The following ANO4 variants were observed in gnomAD, a reference collection of about 807,000 sequenced individuals.
ANO4 encodes anoctamin-4.
Under a neutral mutation model 141.9 loss-of-function variants are expected in ANO4, and 69 were observed. That is an observed-to-expected ratio of 0.49 (90% CI 0.40 to 0.59). ANO4 has a LOEUF of 0.59. Among genes scored for constraint, ANO4 ranks in the 20% least tolerant of loss-of-function variants. The pLI, the probability that ANO4 is intolerant of heterozygous loss-of-function variation, is 0.00. For missense variants in ANO4, 894 were observed against 1,162.2 expected (o/e 0.77, Z 3.36); for synonymous variants, 350 against 394.3 (o/e 0.89, Z 1.33).
chr12:100,723,632 T>C (rs967223706), intron 1 of ANO4, among the ~76,000 whole-genome samples: 2 of 152,244 alleles, frequency 1.3e-5, no homozygotes, highest in Admixed American at 1.3e-4. Flanking sequence ...TTGATATTTC[T>C]GAGGAACACA....
At chr12:101,030,800 C>T (rs981979883) in intron 9 of ANO4, among the ~76,000 whole-genome samples, 1 of 151,792 alleles carries the variant, frequency 6.6e-6, no homozygotes, top group Non-Finnish European at 1.5e-5. Flanking sequence ...ATACAAACTA[C>T]TAACACCTCT....
chr12:100,981,880 T>TGGGTAAGATTA (rs2044479703), intron 7 of ANO4, among the ~76,000 whole-genome samples: 1 of 152,156 alleles, frequency 6.6e-6, no homozygotes. Flanking sequence ...TCTCCTAAGT[T>TGGGTAAGATTA]GGGTAAGATT....
chr12:100,915,686 G>C (rs2041305804), intron 2 of ANO4, among the ~76,000 whole-genome samples: 1 of 152,134 alleles, frequency 6.6e-6, no homozygotes, highest in Admixed American at 6.5e-5. Context: ...AAAATTTGTA[G>C]TGAAGCACCT....
chr12:100,803,198 C>G (rs529474126), intron 1 of ANO4, among the ~76,000 whole-genome samples: 2 of 152,256 alleles, frequency 1.3e-5, no homozygotes, highest in East Asian at 3.9e-4. Context: ...AGGATGGGAG[C>G]TTGGAGTATA....
At chr12:100,994,056 C>T (rs2045261804) in intron 8 of ANO4, among the ~76,000 whole-genome samples, 1 of 152,120 alleles carries the variant, frequency 6.6e-6, no homozygotes, top group African/African-American at 2.4e-5. Flanking sequence ...CCACTAGATG[C>T]TAGTAGCATT....
chr12:101,126,844 T>G (rs374354508), intron 26 of ANO4, 35 bp from the exon 27 acceptor site: 2 of 1,581,706 alleles, frequency 1.3e-6, no homozygotes, highest in Non-Finnish European at 1.7e-6. Flanking sequence ...GGATGCACAG[T>G]AGACCTGACG....
At position 101,083,831 on chromosome 12, in the gene ANO4, TAAA is replaced by T; in HGVS notation, c.1536+18_1536+20del. ...AATATTTTTTATGGTTTGAAACTTT[TAAA>T]AAAATATTTGTTTCATAAAATACAA... is the stretch of plus-strand genomic sequence containing the variant. On this transcript the variant is annotated intron_variant, in intron 16 of 27. Transcript: ENST00000392977. 6.5e-7 allele frequency: 1 copy of T among 1,542,010 alleles called. No homozygotes were observed. The highest frequency in any genetic ancestry group is 8.7e-7 in the Non-Finnish European group (1 of 1,151,272).
At chr12:100,959,577 A>T (rs1296006560) in intron 5 of ANO4, among the ~76,000 whole-genome samples, 2 of 152,178 alleles carry the variant, frequency 1.3e-5, no homozygotes, top group African/African-American at 4.8e-5. Context: ...CCTTTTATAA[A>T]GGTGGCCTGT....
chr12:100,919,103 T>C (rs1364314300), intron 2 of ANO4, among the ~76,000 whole-genome samples: 1 of 152,206 alleles, frequency 6.6e-6, no homozygotes, highest in African/African-American at 2.4e-5. Flanking sequence ...AGCTATAAAA[T>C]GTGTTTTTGT....
At chr12:100,800,472 A>AT (rs1167714671) in intron 1 of ANO4, among the ~76,000 whole-genome samples, 1 of 152,160 alleles carries the variant, frequency 6.6e-6, no homozygotes, top group Non-Finnish European at 1.5e-5. Context: ...GCTTGGGCAG[A>AT]TTTTTTTCCC....
intron 2 of ANO4, among the ~76,000 whole-genome samples, chr12:100,915,010 G>C (rs1167667075): frequency 6.6e-6 from 1 of 151,904 alleles, no homozygotes. Context: ...TTTAGAGATG[G>C]AGGTCTTGCT....
chr12:100,769,658 T>C (rs2135548385), intron 3 of ANO4, among the ~76,000 whole-genome samples: 1 of 152,340 alleles, frequency 6.6e-6, no homozygotes, highest in Non-Finnish European at 1.5e-5. Flanking sequence ...TTAAGTCAGT[T>C]CTTTGGACAT....
chr12:101,003,667 C>T (rs148235002), intron 8 of ANO4, among the ~76,000 whole-genome samples: 33 of 152,132 alleles, frequency 2.2e-4, no homozygotes, highest in Non-Finnish European at 3.5e-4. Context: ...ATGATTTACA[C>T]GTAATTGCAC....
chr12:100,739,969 C>T (rs1423001783), exon 3 of ANO4: 1 of 702,536 alleles, frequency 1.4e-6, no homozygotes, highest in South Asian at 1.5e-5. Flanking sequence ...AAGATGCAGG[C>T]ATCCCTGTGT....
At chr12:100,840,429 A>G (rs75183067) in intron 1 of ANO4, among the ~76,000 whole-genome samples, 4,174 of 152,286 alleles carry the variant, frequency 0.027, 212 homozygotes, top group African/African-American at 0.095. Context: ...CAGGAAGGGC[A>G]GGCATTGTGC....
At chr12:100,798,453 T>C (rs993163873) in intron 1 of ANO4, among the ~76,000 whole-genome samples, 1 of 152,152 alleles carries the variant, frequency 6.6e-6, no homozygotes, top group South Asian at 2.1e-4. Context: ...TGCAATTCAA[T>C]TGGCAACTCA....
At chr12:100,854,030 T>C (rs575838126) in intron 1 of ANO4, among the ~76,000 whole-genome samples, 2 of 152,270 alleles carry the variant, frequency 1.3e-5, no homozygotes, top group South Asian at 2.1e-4. Context: ...CCGGATTCTG[T>C]CTGGCTTCTA....
intron 1 of ANO4, among the ~76,000 whole-genome samples, chr12:100,841,242 CTATTTT>C (rs1389594662): frequency 2.0e-5 from 3 of 152,144 alleles, no homozygotes. Flanking sequence ...ATGCTACCAC[CTATTTT>C]TATTGGCTCA....
intron 3 of ANO4, among the ~76,000 whole-genome samples, chr12:100,759,969 A>C (rs1486926122): frequency 6.6e-6 from 1 of 152,216 alleles, no homozygotes; most frequent in Non-Finnish European, 1.5e-5. Context: ...ACAATATGAC[A>C]AGAACACACA....
Sources: allele counts gnomAD v4.1 joint callset (sites outside exome capture counted in the v4.1 genomes callset), GRCh38; gene constraint gnomAD v4.1.1; transcripts MANE v1.5; gene names NCBI Gene and HGNC (gene_info 2026-07-23, HGNC 2026-07-21).